Variants in TJP2 observed in about 807,000 individuals in gnomAD.
TJP2 encodes the protein Friedreich ataxia region gene X104 (tight junction protein ZO-2).
A neutral mutation model predicts 133.1 loss-of-function variants in TJP2; 91 were observed. That is an observed-to-expected ratio of 0.68 (90% CI 0.58 to 0.81). TJP2 has a LOEUF of 0.81. TJP2 is among the 40% of genes least tolerant of loss of function. The pLI is 0.00. For missense variants in TJP2, 1,541 were observed against 1,565.6 expected (o/e 0.98, Z 0.26); for synonymous variants, 592 against 583.4 (o/e 1.01, Z -0.21).
At chr9:69,153,166 G>A (rs937545399) in intron 2 of TJP2, among the ~76,000 whole-genome samples, 4 of 151,956 alleles carry the variant, frequency 2.6e-5, no homozygotes, top group Admixed American at 6.6e-5. Context: ...CCAGGAATTC[G>A]AGGCTGCAGT....
Position 69,234,430 on chromosome 9 carries a change from T to G in TJP2, c.1672-9T>G. ...TTTTTTTTCTTTTTCTGTTTTTCCTTCCTAATAGGTGAACACACAGGATTT... is the reference window on the plus strand; with the variant it reads ...TTTTTTTTCTTTTTCTGTTTTTCCTGCCTAATAGGTGAACACACAGGATTT... On this transcript the variant is annotated splice_polypyrimidine_tract_variant and intron_variant, in intron 11 of 22. Transcript: ENST00000377245. The G allele has an allele frequency of 6.6e-7, 1 of 1,514,426 alleles. No homozygotes were observed. The highest frequency in any genetic ancestry group is 2.3e-5 in the East Asian group (1 of 44,366). The allele number at this position is 1,514,426 out of a possible 1,614,324, so 93.8% of individuals were successfully genotyped here.
intron 2 of TJP2, among the ~76,000 whole-genome samples, chr9:69,157,716 C>T (rs1277215037): frequency 6.6e-6 from 1 of 152,142 alleles, no homozygotes; most frequent in Admixed American, 6.6e-5. Context: ...GCCTTGACCT[C>T]CCAAAGTGCT....
rs1157565348 is a variant in TJP2 at position 69,237,934 on chromosome 9, A to G, written c.2236A>G (p.Lys746Glu). The G allele has an allele frequency of 3.1e-6, 5 of 1,614,000 alleles. No homozygotes were observed. The highest frequency in any genetic ancestry group is 4.2e-6 in the Non-Finnish European group (5 of 1,179,914). ...FGPIADIAME[K>E]LANELPDWFQ... is the part of the protein sequence containing the mutation. ...CCCCATAGCTGATATAGCAATGGAA[A>G]AATTGGCTAATGAGTTACCTGACTG... is the stretch of plus-strand genomic sequence containing the variant. Residue 746 changes from lysine (K) to glutamate (E), a missense_variant, in exon 15 of 23, where the codon AAA becomes GAA. Physicochemically the swap from Lys to Glu is moderately conservative, Grantham distance 56 (BLOSUM62 1). Transcript: ENST00000377245.
chr9:69,196,053 C>T (rs1826536041), intron 1 of TJP2, among the ~76,000 whole-genome samples: 1 of 152,196 alleles, frequency 6.6e-6, no homozygotes, highest in Non-Finnish European at 1.5e-5. Flanking sequence ...GTCTCAAACT[C>T]CTGGGTTCAA....
chr9:69,222,808 C>T (rs1428616483), intron 5 of TJP2, among the ~76,000 whole-genome samples: 1 of 151,366 alleles, frequency 6.6e-6, no homozygotes, highest in African/African-American at 2.4e-5. Context: ...GTGGCTCACA[C>T]CTGTAATCCC....
At chr9:69,214,093 T>C (rs557794676) in intron 2 of TJP2, among the ~76,000 whole-genome samples, 1 of 152,236 alleles carries the variant, frequency 6.6e-6, no homozygotes, top group Admixed American at 6.5e-5. Flanking sequence ...TAGATACATA[T>C]ATATATTTTT....
chr9:69,203,850 C>T (rs1007774008), intron 1 of TJP2, among the ~76,000 whole-genome samples: 2 of 151,504 alleles, frequency 1.3e-5, no homozygotes, highest in Non-Finnish European at 2.9e-5. Flanking sequence ...CTGGCTCAAG[C>T]GATCTGCCCA....
chr9:69,251,018 G>A lies in TJP2; in HGVS notation c.2992-17G>A. 1 of 1,611,252 alleles carries A rather than the reference G, an allele frequency of 6.2e-7. No individual in the cohort carries two copies. Among genetic ancestry groups the A allele is most frequent in the African/African-American group, 1.3e-5 (1 of 74,994 alleles). ...ACTTAAAAGCCCAGGGTGAAAACGT[G>A]TCATTGCTCTCCGCAGGCCAAAACC... On this transcript the variant is annotated splice_polypyrimidine_tract_variant and intron_variant, in intron 20 of 22. Coordinates refer to ENST00000377245, the MANE Select transcript of TJP2 (RefSeq NM_004817.4).
At chr9:69,219,704 G>A (rs1828663396) in intron 4 of TJP2, among the ~76,000 whole-genome samples, 1 of 152,184 alleles carries the variant, frequency 6.6e-6, no homozygotes, top group Admixed American at 6.5e-5. Flanking sequence ...GATTACAGGT[G>A]TGAGCCACCA....
chr9:69,222,852 T>G (rs994067726), intron 5 of TJP2, among the ~76,000 whole-genome samples: 1 of 151,446 alleles, frequency 6.6e-6, no homozygotes, highest in African/African-American at 2.4e-5. Context: ...GCGGATGACT[T>G]GAGGTCAGGA....
chr9:69,132,479 A>C (rs6560585), intron 1 of TJP2, among the ~76,000 whole-genome samples: 4 of 151,972 alleles, frequency 2.6e-5, no homozygotes, highest in African/African-American at 2.4e-5. Flanking sequence ...CTGGTGCTGC[A>C]GGAGAAGGTG....
chr9:69,201,890 T>TA (rs35001622), intron 1 of TJP2, among the ~76,000 whole-genome samples: 12,901 of 152,266 alleles, frequency 0.085, 695 homozygotes, highest in Non-Finnish European at 0.12. Flanking sequence ...AGTCCACTTA[T>TA]ATGATGTGTC....
chr9:69,204,768 G>T (rs1275304354), intron 1 of TJP2: 1 of 1,015,360 alleles, frequency 9.8e-7, no homozygotes, highest in Non-Finnish European at 1.2e-6. Flanking sequence ...GGTCTATACT[G>T]TATAAATACT....
Position 69,236,124 on chromosome 9 carries a change from C to T in TJP2, c.1877C>T (p.Thr626Ile), listed in dbSNP as rs149911553. Residue 626 changes from threonine (T) to isoleucine (I), a missense_variant, in exon 13 of 23, where the codon ACC becomes ATC. Thr to Ile is a moderately conservative substitution (Grantham distance 89). Transcript: ENST00000377245. ...GAAACTCCACAGAGCCTGGCCTTCA[C>T]CAGAGGGGAGGTCTTCCGAGTGGTA... is the stretch of plus-strand genomic sequence containing the variant. ...EKETPQSLAF[T>I]RGEVFRVVDT... is the part of the protein sequence containing the mutation. The T allele has an allele frequency of 3.7e-6, 6 of 1,614,170 alleles. No homozygotes were observed. Among genetic ancestry groups the T allele is most frequent in the South Asian group, 2.2e-5 (2 of 91,076 alleles).
chr9:69,242,079 ACAGTG>A (rs1248099910), intron 17 of TJP2, among the ~76,000 whole-genome samples: 1 of 152,230 alleles, frequency 6.6e-6, no homozygotes, highest in Non-Finnish European at 1.5e-5. Flanking sequence ...GAAGGGAATT[ACAGTG>A]CATTGTAGAG....
At chr9:69,192,587 C>T (rs983122822) in intron 1 of TJP2, among the ~76,000 whole-genome samples, 9 of 152,218 alleles carry the variant, frequency 5.9e-5, no homozygotes, top group African/African-American at 2.2e-4. Flanking sequence ...TGGTTTGTTG[C>T]TCTCCTTCAG....
At chr9:69,239,366 C>T (rs1366107504) in intron 16 of TJP2, among the ~76,000 whole-genome samples, 3 of 151,966 alleles carry the variant, frequency 2.0e-5, no homozygotes, top group Non-Finnish European at 4.4e-5. Flanking sequence ...GGAAACCAGT[C>T]ACTGTTACTG....
At chr9:69,136,074 G>A (rs571611415) in intron 1 of TJP2, among the ~76,000 whole-genome samples, 9 of 152,274 alleles carry the variant, frequency 5.9e-5, no homozygotes, top group African/African-American at 2.2e-4. Context: ...AATGCTCAAA[G>A]AGATATTATT....
chr9:69,121,320 C>T, upstream of TJP2: 3 of 985,480 alleles, frequency 3.0e-6, no homozygotes, highest in Non-Finnish European at 3.6e-6. Context: ...CTGCGTCTCC[C>T]TCCCGGGGCT....
Sources: allele counts gnomAD v4.1 joint callset (sites outside exome capture counted in the v4.1 genomes callset), GRCh38; gene constraint gnomAD v4.1.1; transcripts MANE v1.5; gene names NCBI Gene and HGNC (gene_info 2026-07-23, HGNC 2026-07-21).